The following PLCB1 variants were observed in gnomAD, a reference collection of about 807,000 sequenced individuals.
PLCB1 encodes the protein 1-phosphatidylinositol 4,5-bisphosphate phosphodiesterase beta-1.
A neutral mutation model predicts 161.8 loss-of-function variants in PLCB1; 46 were observed. The ratio of observed to expected loss-of-function variants is 0.28; its 90% CI spans 0.22 to 0.36. The LOEUF (loss-of-function observed/expected upper bound fraction) is 0.36, where lower values mean the gene tolerates loss of function less well. Ranked by LOEUF, PLCB1 falls within the 10% of genes least tolerant of loss-of-function variation. The pLI is 1.00. For missense variants in PLCB1, 1,016 were observed against 1,472.5 expected, an observed-to-expected ratio of 0.69 and a Z score of 5.07; for synonymous variants, 517 against 503.7, an observed-to-expected ratio of 1.03 and a Z score of -0.35.
intron 2 of PLCB1, among the ~76,000 whole-genome samples, chr20:8,343,699 C>T (rs1371648229): frequency 1.3e-5 from 2 of 152,134 alleles, no homozygotes; most frequent in African/African-American, 4.8e-5. Flanking sequence ...AGAGGCCTGC[C>T]CCTCTGGTTA....
chr20:8,372,007 T>C (rs1239858015), intron 3 of PLCB1: 2 of 152,280 alleles, frequency 1.3e-5, no homozygotes, highest in Non-Finnish European at 2.9e-5. Context: ...GCAGTCTGTT[T>C]ATTTTTTGAA....
At chr20:8,353,882 T>G (rs2122269852) in intron 2 of PLCB1, among the ~76,000 whole-genome samples, 1 of 152,234 alleles carries the variant, frequency 6.6e-6, no homozygotes, top group African/African-American at 2.4e-5. Context: ...AGTATCAATA[T>G]TGGTATATTA....
chr20:8,620,734 C>T (rs1314074400), intron 3 of PLCB1, among the ~76,000 whole-genome samples: 2 of 143,224 alleles, frequency 1.4e-5, no homozygotes, highest in East Asian at 2.0e-4. Flanking sequence ...GAAACTCTGT[C>T]CCCTGCCCCC....
chr20:8,838,932 GA>G (rs1180472885), intron 31 of PLCB1, among the ~76,000 whole-genome samples: 1 of 152,188 alleles, frequency 6.6e-6, no homozygotes, highest in Non-Finnish European at 1.5e-5. Flanking sequence ...AGGCTCGTGA[GA>G]AGCAGTTTGC....
chr20:8,763,880 T>G (rs1222423617), intron 25 of PLCB1, among the ~76,000 whole-genome samples: 1 of 151,388 alleles, frequency 6.6e-6, no homozygotes, highest in East Asian at 2.0e-4. Flanking sequence ...GATAAAAAAA[T>G]CAGCCAGGCA....
intron 9 of PLCB1, among the ~76,000 whole-genome samples, chr20:8,675,957 G>A (rs1031015584): frequency 7.2e-5 from 11 of 152,310 alleles, no homozygotes; most frequent in Admixed American, 3.9e-4. Flanking sequence ...AAAACAAAGA[G>A]GAGAGTTGAC....
intron 2 of PLCB1, among the ~76,000 whole-genome samples, chr20:8,257,928 A>G (rs1447526414): frequency 1.3e-5 from 2 of 152,262 alleles, no homozygotes; most frequent in African/African-American, 4.8e-5. Flanking sequence ...TAAAAGGGAT[A>G]TAAGACTTAA....
chr20:8,537,307 T>G (rs1190657558), intron 3 of PLCB1, among the ~76,000 whole-genome samples: 2 of 152,190 alleles, frequency 1.3e-5, no homozygotes, highest in African/African-American at 4.8e-5. Flanking sequence ...TCCTGCATCT[T>G]TTGTCCCTTT....
At chr20:8,849,121 A>G (rs1986796973) in intron 31 of PLCB1, among the ~76,000 whole-genome samples, 1 of 152,202 alleles carries the variant, frequency 6.6e-6, no homozygotes, top group African/African-American at 2.4e-5. Context: ...TTTCTGCTAA[A>G]ATGCTATAGT....
At chr20:8,410,647 T>C (rs1979002975) in intron 3 of PLCB1, among the ~76,000 whole-genome samples, 1 of 152,132 alleles carries the variant, frequency 6.6e-6, no homozygotes, top group African/African-American at 2.4e-5. Context: ...TTAAGTTAAT[T>C]TGTAATTTTT....
intron 3 of PLCB1, among the ~76,000 whole-genome samples, chr20:8,421,274 G>A (rs1001983804): frequency 6.6e-6 from 1 of 152,134 alleles, no homozygotes; most frequent in Admixed American, 6.6e-5. Context: ...TGGCCTTCTT[G>A]CCGAGAAAAT....
In PLCB1 at chr20:8,589,066, C is replaced by T. The variant is rs571148735; in HGVS notation, c.247-39228C>T. Reference sequence around the variant, plus strand: ...GGAGAGACTGCACTTCTAAAGTGTCCAGTACAGGCTCCAAGAGCAGGTGGC... The same window carrying T: ...GGAGAGACTGCACTTCTAAAGTGTCTAGTACAGGCTCCAAGAGCAGGTGGC... On this transcript the variant is annotated intron_variant, in intron 3 of 31. Transcript: ENST00000338037. Among the ~76,000 whole-genome samples the T allele has an allele frequency of 6.3e-4, 96 of 152,236 alleles. 1 individual carries two copies. The South Asian group carries it at 0.012, about 18-fold the overall frequency.
intron 2 of PLCB1, among the ~76,000 whole-genome samples, chr20:8,151,001 C>T (rs940385037): frequency 2.0e-5 from 3 of 152,108 alleles, no homozygotes; most frequent in African/African-American, 4.8e-5. Context: ...AGTAGAATAT[C>T]TGCTGATCAT....
intron 3 of PLCB1, among the ~76,000 whole-genome samples, chr20:8,377,003 T>C (rs1483204904): frequency 6.6e-6 from 1 of 152,038 alleles, no homozygotes; most frequent in Non-Finnish European, 1.5e-5. Flanking sequence ...TGGGCAACTA[T>C]TTCCATGGAG....
intron 3 of PLCB1, among the ~76,000 whole-genome samples, chr20:8,461,400 T>C (rs541258905): frequency 6.6e-6 from 1 of 152,168 alleles, no homozygotes; most frequent in Non-Finnish European, 1.5e-5. Context: ...TTCTGACAAG[T>C]CACTTAATCC....
At chr20:8,636,320 A>G (rs980033749) in intron 4 of PLCB1, among the ~76,000 whole-genome samples, 4 of 152,102 alleles carry the variant, frequency 2.6e-5, no homozygotes, top group Non-Finnish European at 4.4e-5. Context: ...CTTCCACCCA[A>G]TCATAAAAAG....
At chr20:8,833,582 A>G (rs1281114571) in intron 31 of PLCB1, among the ~76,000 whole-genome samples, 2 of 152,198 alleles carry the variant, frequency 1.3e-5, no homozygotes, top group Admixed American at 6.5e-5. Context: ...ACAGAGGCAG[A>G]GATTGGAGTG....
At chr20:8,313,088 C>A (rs1984483303) in intron 2 of PLCB1, among the ~76,000 whole-genome samples, 1 of 152,270 alleles carries the variant, frequency 6.6e-6, no homozygotes, top group African/African-American at 2.4e-5. Flanking sequence ...AGCCTGCCTG[C>A]AGCATGAGTT....
chr20:8,402,560 C>G lies in PLCB1; in HGVS notation c.246+31110C>G, dbSNP rs752336567. Among the ~76,000 whole-genome samples, 4 of 151,860 alleles carry G rather than the reference C, an allele frequency of 2.6e-5. No homozygotes were observed. In the South Asian group the frequency reaches 8.3e-4, roughly 32 times the overall value. On this transcript the variant is annotated intron_variant, in intron 3 of 31. Transcript: ENST00000338037. Reference sequence around the variant, plus strand: ...TTTAAAAAATAGTTTCCAGGCCGGGCGTGGTGGCTCATGTCTGTAATCCCA... The same window carrying G: ...TTTAAAAAATAGTTTCCAGGCCGGGGGTGGTGGCTCATGTCTGTAATCCCA...
Sources: allele counts gnomAD v4.1 joint callset (sites outside exome capture counted in the v4.1 genomes callset), GRCh38; gene constraint gnomAD v4.1.1; transcripts MANE v1.5; gene names NCBI Gene and HGNC (gene_info 2026-07-23, HGNC 2026-07-21).